Variants in NCKAP5 observed in about 807,000 individuals in gnomAD.
NCKAP5 encodes NCK associated protein 5.
In NCKAP5, 92 loss-of-function variants were observed where a neutral mutation model predicts 167.0. The ratio of observed to expected loss-of-function variants is 0.55; its 90% CI spans 0.47 to 0.66. The LOEUF (loss-of-function observed/expected upper bound fraction) is 0.66, where lower values mean the gene tolerates loss of function less well. NCKAP5 is among the 30% of genes least tolerant of loss of function. NCKAP5 has a pLI of 0.00. For synonymous variants in NCKAP5, 891 were observed against 877.4 expected (o/e 1.02, Z -0.27); for missense variants, 2,378 against 2,315.0 (o/e 1.03, Z -0.56).
rs563079193 is a variant in NCKAP5 at position 132,813,326 on chromosome 2, C to A, written c.808-16597G>T. 1.4e-3 allele frequency among the ~76,000 whole-genome samples: 214 copies of A among 152,326 alleles called. 1 individual carries two copies. Among genetic ancestry groups the A allele is most frequent in the African/African-American group, 4.9e-3 (203 of 41,570 alleles). Reference sequence around the variant, plus strand: ...CCTCTACTCCTTTGTCTACCTTATTCTTTTCCCAGTGCTGGACTTGGCTGT... The same window carrying A: ...CCTCTACTCCTTTGTCTACCTTATTATTTTCCCAGTGCTGGACTTGGCTGT... On this transcript the variant is annotated intron_variant, in intron 11 of 19. Coordinates refer to ENST00000409261, the MANE Select transcript of NCKAP5 (RefSeq NM_207363.3).
chr2:133,183,803 A>G (rs2084831520), intron 5 of NCKAP5, among the ~76,000 whole-genome samples: 1 of 152,138 alleles, frequency 6.6e-6, no homozygotes, highest in Admixed American at 6.6e-5. Context: ...TTCAGAAGAC[A>G]TTGTCTATAT....
chr2:133,265,288 G>A (rs2089138267), intron 4 of NCKAP5, among the ~76,000 whole-genome samples: 1 of 152,118 alleles, frequency 6.6e-6, no homozygotes, highest in Non-Finnish European at 1.5e-5. Flanking sequence ...GAGAAATTCC[G>A]GGGTGGCTGC....
intron 3 of NCKAP5, among the ~76,000 whole-genome samples, chr2:133,339,895 C>G (rs980803414): frequency 1.3e-5 from 2 of 152,144 alleles, no homozygotes; most frequent in Non-Finnish European, 2.9e-5. Context: ...CAGTAGATAT[C>G]AGCTATAATT....
chr2:133,353,481 C>G (rs1382306185), intron 3 of NCKAP5, among the ~76,000 whole-genome samples: 1 of 152,148 alleles, frequency 6.6e-6, no homozygotes, highest in Admixed American at 6.5e-5. Flanking sequence ...TTGATATAGA[C>G]AGGAGACAGG....
chr2:132,765,503 T>C (rs1019908633), intron 16 of NCKAP5, among the ~76,000 whole-genome samples: 2 of 151,888 alleles, frequency 1.3e-5, no homozygotes, highest in Non-Finnish European at 2.9e-5. Flanking sequence ...TTGGTAGAGA[T>C]GGGGTTTCAT....
chr2:132,958,985 T>G (rs2076423220), intron 8 of NCKAP5, among the ~76,000 whole-genome samples: 2 of 150,082 alleles, frequency 1.3e-5, no homozygotes, highest in Middle Eastern at 7.0e-3. Flanking sequence ...ATCTAATCCC[T>G]GTGCAAAGAA....
chr2:133,139,017 A>G (rs919696190), intron 5 of NCKAP5, among the ~76,000 whole-genome samples: 3 of 152,190 alleles, frequency 2.0e-5, no homozygotes, highest in Non-Finnish European at 4.4e-5. Flanking sequence ...CTGTTTGGAC[A>G]ACACCCTGGA....
At chr2:133,466,973 C>T (rs1254615070) in intron 3 of NCKAP5, among the ~76,000 whole-genome samples, 1 of 152,114 alleles carries the variant, frequency 6.6e-6, no homozygotes, top group African/African-American at 2.4e-5. Flanking sequence ...AATTTGACTT[C>T]CTCTTTTCCT....
intron 4 of NCKAP5, among the ~76,000 whole-genome samples, chr2:133,263,807 T>C (rs1459963249): frequency 6.6e-6 from 1 of 152,214 alleles, no homozygotes; most frequent in Non-Finnish European, 1.5e-5. Flanking sequence ...ATTGTCTTCA[T>C]TATGGCTCAC....
At chr2:132,748,504 C>T (rs551627358) in intron 16 of NCKAP5, among the ~76,000 whole-genome samples, 241 of 152,278 alleles carry the variant, frequency 1.6e-3, no homozygotes, top group African/African-American at 5.7e-3. Flanking sequence ...TATTTCCATT[C>T]TTCAGATAAA....
chr2:133,089,462 C>CT (rs1675835624), intron 6 of NCKAP5, among the ~76,000 whole-genome samples: 2 of 152,278 alleles, frequency 1.3e-5, no homozygotes, highest in South Asian at 2.1e-4. Flanking sequence ...TAAGTGGAGA[C>CT]TGATGGCTCA....
At position 133,524,378 on chromosome 2, in the gene NCKAP5, G is replaced by T. The variant is rs112068821; in HGVS notation, c.-61-6791C>A. On this transcript the variant is annotated intron_variant, in intron 2 of 19. Transcript: ENST00000409261. ...ACAATTTGGATAAATACCTTTATCC[G>T]TATCTCCACTCTCAGGCTCATCATT... is the stretch of plus-strand genomic sequence containing the variant. Among the ~76,000 whole-genome samples, 657 of 152,244 alleles carry T rather than the reference G, an allele frequency of 4.3e-3. 5 individuals carry two copies. The highest frequency in any genetic ancestry group is 6.9e-3 in the Non-Finnish European group (471 of 68,006).
At chr2:133,295,146 C>T (rs527332021) in intron 4 of NCKAP5, among the ~76,000 whole-genome samples, 1 of 152,222 alleles carries the variant, frequency 6.6e-6, no homozygotes, top group Non-Finnish European at 1.5e-5. Flanking sequence ...AACCCAGACT[C>T]TTTTCCCCTT....
At chr2:133,619,475 A>G in the NCKAP5 span, among the ~76,000 whole-genome samples, 3 of 151,956 alleles carry the variant, frequency 2.0e-5, no homozygotes, top group Non-Finnish European at 4.4e-5. Context: ...AGATCGAACA[A>G]GCAGAAGAAA....
intron 4 of NCKAP5, among the ~76,000 whole-genome samples, chr2:133,278,883 G>A (rs990516809): frequency 6.6e-6 from 1 of 151,594 alleles, no homozygotes; most frequent in East Asian, 1.9e-4. Flanking sequence ...AAAACGACAC[G>A]CAAGTGGCCT....
At chr2:133,302,947 T>C (rs772011327) in intron 4 of NCKAP5, 90 bp downstream of exon 4, 16 of 899,804 alleles carry the variant, frequency 1.8e-5, no homozygotes, top group Non-Finnish European at 2.9e-5. Flanking sequence ...ACTTAGTATA[T>C]ATTCTGTAGT....
In NCKAP5 at chr2:132,784,193, G is replaced by A. The variant is rs779991490; in HGVS notation, c.2618C>T (p.Pro873Leu). 43 of 1,560,066 alleles carry A rather than the reference G, an allele frequency of 2.8e-5. No individual in the cohort carries two copies. Among genetic ancestry groups the A allele is most frequent in the African/African-American group, 4.1e-5 (3 of 73,174 alleles). ...PHIPKHSAQLPHSSRMPSRRD... is the reference protein window; with the variant it reads ...PHIPKHSAQLLHSSRMPSRRD... ...CCTGCTGGGCATCCTGGAGCTGTGC[G>A]GAAGTTGGGCGGAATGTTTTGGAAT... The change falls in exon 14 of 20, where the codon CCG (proline) becomes CTG (leucine). Residue 873 changes from proline (P) to leucine (L), a missense_variant. By Grantham distance (98) the Pro-to-Leu change is moderately conservative (BLOSUM62 -3). Around this residue, in one of 3 missense-constraint regions of NCKAP5, gnomAD observed 4 missense variants for 17.1 expected, o/e 0.23. Transcript: ENST00000409261.
chr2:133,120,923 A>C (rs1033788887), intron 6 of NCKAP5, among the ~76,000 whole-genome samples: 1 of 152,204 alleles, frequency 6.6e-6, no homozygotes, highest in African/African-American at 2.4e-5. Flanking sequence ...TTTCTACTTT[A>C]GTGAAGATAT....
intron 3 of NCKAP5, among the ~76,000 whole-genome samples, chr2:133,511,135 T>C (rs768089769): frequency 2.0e-5 from 3 of 152,232 alleles, no homozygotes; most frequent in African/African-American, 4.8e-5. Context: ...ACATGCTCTA[T>C]GTCCACTGCT....
Sources: gnomAD v4.1 joint callset for allele counts (sites outside exome capture counted in the v4.1 genomes callset) on GRCh38, gnomAD v4.1.1 for gene constraint, gnomAD v4.1.1 regional missense constraint, MANE v1.5 for transcripts, NCBI Gene and HGNC (gene_info 2026-07-23, HGNC 2026-07-21) for gene names.